The following PHLDB2 variants were observed in gnomAD, a reference collection of about 807,000 sequenced individuals.
PHLDB2 encodes the protein pleckstrin homology-like domain family B member 2.
Under a neutral mutation model 123.6 loss-of-function variants are expected in PHLDB2, and 71 were observed. The ratio of observed to expected loss-of-function variants is 0.57; its 90% CI spans 0.47 to 0.70. The LOEUF (loss-of-function observed/expected upper bound fraction) is 0.70. Among genes scored for constraint, PHLDB2 ranks in the 30% least tolerant of loss-of-function variants. The probability of loss-of-function intolerance (pLI) is 0.00; values close to 1 mark genes in which losing one functional copy is unlikely to be tolerated. For missense variants in PHLDB2, 1,446 were observed against 1,519.5 expected, an observed-to-expected ratio of 0.95 and a Z score of 0.80; for synonymous variants, 547 against 541.6, an observed-to-expected ratio of 1.01 and a Z score of -0.14.
chr3:111,747,490 A>G (rs2059699376), intron 1 of PHLDB2, among the ~76,000 whole-genome samples: 1 of 152,204 alleles, frequency 6.6e-6, no homozygotes, highest in Non-Finnish European at 1.5e-5. Context: ...CAGAGCCAAA[A>G]GCAGAAACTC....
chr3:111,878,380 T>G (rs907852920), intron 1 of PHLDB2, among the ~76,000 whole-genome samples: 1 of 152,208 alleles, frequency 6.6e-6, no homozygotes, highest in Non-Finnish European at 1.5e-5. Flanking sequence ...TAGGAATGCT[T>G]GTGATTTTTG....
At chr3:111,964,004 A>G (rs1190158379) in intron 13 of PHLDB2, among the ~76,000 whole-genome samples, 1 of 152,184 alleles carries the variant, frequency 6.6e-6, no homozygotes, top group Admixed American at 6.5e-5. Flanking sequence ...AGTACAGAAG[A>G]GAAATGCCTG....
chr3:111,885,915 C>G, intron 2 of PHLDB2: 2 of 359,822 alleles, frequency 5.6e-6, no homozygotes, highest in Non-Finnish European at 1.0e-5. Context: ...CCACACTGTT[C>G]ATACACAACC....
chr3:111,813,250 T>C (rs1392041454), intron 1 of PHLDB2, among the ~76,000 whole-genome samples: 1 of 152,202 alleles, frequency 6.6e-6, no homozygotes, highest in Non-Finnish European at 1.5e-5. Context: ...TTAATAACAA[T>C]GTATTGTACT....
chr3:111,953,701 T>C, intron 11 of PHLDB2: 1 of 416,848 alleles, frequency 2.4e-6, no homozygotes, highest in Non-Finnish European at 4.4e-6. Flanking sequence ...TCTTCACTTT[T>C]GGAATTGCTG....
intron 1 of PHLDB2, among the ~76,000 whole-genome samples, chr3:111,819,605 G>T (rs902514649): frequency 1.3e-5 from 2 of 152,158 alleles, no homozygotes; most frequent in Admixed American, 6.5e-5. Flanking sequence ...ATTTTGAGAA[G>T]CTGGATAAAA....
intron 1 of PHLDB2, among the ~76,000 whole-genome samples, chr3:111,748,609 T>A (rs189591655): frequency 5.6e-4 from 85 of 152,094 alleles, no homozygotes; most frequent in African/African-American, 2.0e-3. Context: ...GCAACCTCCA[T>A]CTCCTGGGTT....
At chr3:111,971,330 G>C (rs114344613) in intron 16 of PHLDB2, among the ~76,000 whole-genome samples, 1 of 151,614 alleles carries the variant, frequency 6.6e-6, no homozygotes. Context: ...CTCATCTATC[G>C]GCCAGGTGAG....
At chr3:111,938,570 G>A (rs376122298) in intron 6 of PHLDB2, among the ~76,000 whole-genome samples, 1 of 151,996 alleles carries the variant, frequency 6.6e-6, no homozygotes, top group Admixed American at 6.5e-5. Flanking sequence ...AACATATGTT[G>A]AGAAACTGAA....
chr3:111,749,954 G>A (rs1264540083), intron 1 of PHLDB2, among the ~76,000 whole-genome samples: 2 of 152,090 alleles, frequency 1.3e-5, no homozygotes, highest in African/African-American at 2.4e-5. Context: ...TCCATTACAC[G>A]TTTCCTTGCA....
At chr3:111,911,768 C>CTAT in intron 2 of PHLDB2, 1 of 1,488,336 alleles carries the variant, frequency 6.7e-7, no homozygotes, top group Admixed American at 2.0e-5. Context: ...TTTGATCAAG[C>CTAT]TATTGCTCTT....
rs759468611 is a variant in PHLDB2, at chr3:111,969,690, G to C, written c.3316G>C (p.Ala1106Pro). The change falls in exon 16 of 18, where the codon GCT becomes CCT. Residue 1106 changes from alanine to proline, a missense_variant and splice_region_variant. By Grantham distance (27) the Ala-to-Pro change is conservative. Around this residue, in one of 3 missense-constraint regions of PHLDB2, gnomAD observed 594 missense variants for 646.0 expected, o/e 0.92. Transcript: ENST00000431670. ...TGCAATGGGTTTTGCACTTTTCCAG[G>C]CTCGTCCTTTGACACGCTACCTGCC... ...VKIRERQRAQ[A>P]RPLTRYLPVR... 2 of 1,613,516 alleles carry C rather than the reference G, an allele frequency of 1.2e-6. No homozygotes were observed. Among genetic ancestry groups the C allele is most frequent in the African/African-American group, 1.3e-5 (1 of 74,998 alleles).
intron 1 of PHLDB2, among the ~76,000 whole-genome samples, chr3:111,733,486 A>G (rs1941573090): frequency 6.6e-6 from 1 of 151,684 alleles, no homozygotes; most frequent in Admixed American, 6.6e-5. Flanking sequence ...ATATCCCAAG[A>G]CCCCCCTTCC....
At chr3:111,952,096 A>C (rs2070748979) in intron 10 of PHLDB2, among the ~76,000 whole-genome samples, 1 of 152,220 alleles carries the variant, frequency 6.6e-6, no homozygotes, top group African/African-American at 2.4e-5. Flanking sequence ...GAGTGTGTTT[A>C]TGTGACTGAA....
At chr3:111,859,845 G>C (rs2064721849) in intron 1 of PHLDB2, 1 of 985,932 alleles carries the variant, frequency 1.0e-6, no homozygotes, top group Admixed American at 6.1e-5. Context: ...GGCGGCGCCA[G>C]CGTAGAGCGG....
At chr3:111,912,293 A>G (rs968573394) in intron 2 of PHLDB2, among the ~76,000 whole-genome samples, 1 of 152,232 alleles carries the variant, frequency 6.6e-6, no homozygotes, top group African/African-American at 2.4e-5. Context: ...AAAGTTCAAA[A>G]TCATAGATAT....
At chr3:111,783,975 G>C (rs2060583713) in intron 1 of PHLDB2, among the ~76,000 whole-genome samples, 1 of 152,058 alleles carries the variant, frequency 6.6e-6, no homozygotes, top group Admixed American at 6.6e-5. Flanking sequence ...GTATATTAAG[G>C]GCAATTGTTT....
intron 1 of PHLDB2, among the ~76,000 whole-genome samples, chr3:111,882,910 C>T (rs1318913680): frequency 6.6e-6 from 1 of 152,220 alleles, no homozygotes; most frequent in Non-Finnish European, 1.5e-5. Context: ...GATAAAAATA[C>T]TAGACATAAC....
At chr3:111,883,434 A>G (rs997795402) in intron 1 of PHLDB2, among the ~76,000 whole-genome samples, 1 of 152,158 alleles carries the variant, frequency 6.6e-6, no homozygotes, top group Non-Finnish European at 1.5e-5. Context: ...CATCCCGACC[A>G]TGTGTCAATA....
Sources: allele counts gnomAD v4.1 joint callset (sites outside exome capture counted in the v4.1 genomes callset), GRCh38; gene constraint gnomAD v4.1.1; regional missense constraint gnomAD v4.1.1; transcripts MANE v1.5; gene names NCBI Gene and HGNC (gene_info 2026-07-23, HGNC 2026-07-21).